KIAA1217: variants seen among roughly 807,000 people sequenced by gnomAD.
The protein encoded by KIAA1217 is KIAA1217.
A neutral mutation model predicts 163.9 loss-of-function variants in KIAA1217; 88 were observed. That is an observed-to-expected ratio of 0.54 (90% CI 0.45 to 0.64). The LOEUF is 0.64. Among genes scored for constraint, KIAA1217 ranks in the 30% least tolerant of loss-of-function variants. The pLI, the probability that KIAA1217 is intolerant of heterozygous loss-of-function variation, is 0.00. For missense variants in KIAA1217, 2,372 were observed against 2,475.0 expected (o/e 0.96, Z 0.88); for synonymous variants, 903 against 923.1 (o/e 0.98, Z 0.39).
chr10:23,777,560 T>G (rs1156520894), intron 1 of KIAA1217, among the ~76,000 whole-genome samples: 1 of 152,222 alleles, frequency 6.6e-6, no homozygotes, highest in African/African-American at 2.4e-5. Flanking sequence ...CTGCTTAGGT[T>G]ACAGGTCTCT....
intron 15 of KIAA1217, among the ~76,000 whole-genome samples, chr10:24,532,220 A>G (rs550471376): frequency 5.9e-5 from 9 of 152,346 alleles, no homozygotes; most frequent in African/African-American, 1.9e-4. Flanking sequence ...ACAATATGAA[A>G]TGCAAATCAC....
intron 2 of KIAA1217, among the ~76,000 whole-genome samples, chr10:24,325,784 C>T (rs2044797443): frequency 6.6e-6 from 1 of 152,102 alleles, no homozygotes; most frequent in Non-Finnish European, 1.5e-5. Flanking sequence ...AATGTACATA[C>T]ATTTCAGAGG....
At position 24,520,238 on chromosome 10, in the gene KIAA1217, G is replaced by A. The variant is rs1564846947; in HGVS notation, c.2293G>A (p.Val765Ile). 1.2e-6 allele frequency: 2 copies of A among 1,614,160 alleles called. No homozygotes were observed. The highest frequency in any genetic ancestry group is 1.1e-5 in the South Asian group (1 of 91,072). Residue 765 changes from valine (V) to isoleucine (I), a missense_variant, in exon 11 of 21, where the codon GTA (valine) becomes ATA (isoleucine). Transcript: ENST00000376454. ...CCTCCTGCGTCAAGTGGGAGAGGCT[G>A]TAGCTACCCTGAAAGGTAAACTTTC... ...AFLLRQVGEA[V>I]ATLKGEFPTL...
At chr10:24,489,788 C>T (rs768841914) in intron 6 of KIAA1217, among the ~76,000 whole-genome samples, 8 of 131,476 alleles carry the variant, frequency 6.1e-5, no homozygotes, top group East Asian at 2.4e-4. Flanking sequence ...CTCTTGAGCT[C>T]GGTGAGTTGA....
chr10:24,472,644 G>A (rs904017997), intron 5 of KIAA1217, among the ~76,000 whole-genome samples: 4 of 152,140 alleles, frequency 2.6e-5, no homozygotes, highest in African/African-American at 9.7e-5. Context: ...CCACAAAATT[G>A]CACTCTCCAT....
intron 2 of KIAA1217, among the ~76,000 whole-genome samples, chr10:24,378,013 T>C (rs1014315677): frequency 2.6e-5 from 4 of 152,236 alleles, no homozygotes; most frequent in African/African-American, 9.6e-5. Context: ...TCTTATCTTT[T>C]GTGCTCTCTG....
rs375419024 is a variant in KIAA1217, at chr10:24,199,517, T to C, written c.-170-20109T>C. Among the ~76,000 whole-genome samples the C allele has an allele frequency of 5.3e-5, 8 of 152,320 alleles. No homozygotes were observed. The South Asian group carries it at 6.2e-4, about 12-fold the overall frequency. ...GTGGCGGGGACAGACATTCAAACTATAGCCGAAGAGAAATTGTTGAAGTTT... is the reference window on the plus strand; with the variant it reads ...GTGGCGGGGACAGACATTCAAACTACAGCCGAAGAGAAATTGTTGAAGTTT... On this transcript the variant is annotated intron_variant, in intron 2 of 18. Coordinates refer to the KIAA1217 transcript ENST00000376462.
intron 2 of KIAA1217, among the ~76,000 whole-genome samples, chr10:24,222,446 A>G (rs538982129): frequency 3.3e-5 from 5 of 152,322 alleles, no homozygotes; most frequent in Admixed American, 2.6e-4. Context: ...CGCACAAGAA[A>G]GAATTCAGGG....
chr10:24,049,030 CAAAAAAAAAA>C (rs59235039), intron 2 of KIAA1217, among the ~76,000 whole-genome samples: 1 of 86,190 alleles, frequency 1.2e-5, no homozygotes, highest in Non-Finnish European at 2.2e-5. Context: ...TACTCTGTCT[CAAAAAAAAAA>C]AAAAAAAAAA....
rs1362268953 is a variant in KIAA1217, at chr10:23,771,644, G to A, written c.-321+76410G>A. ...GTGCCCCTCCAAGCAATGATTTGGA[G>A]ATCCAGCTTTCTTTCATCTTGTGGC... On this transcript the variant is annotated intron_variant, in intron 1 of 18. Transcript: ENST00000376462. Among the ~76,000 whole-genome samples, 3 of 152,300 alleles carry A rather than the reference G, an allele frequency of 2.0e-5. No homozygotes were observed. The East Asian group carries it at 5.8e-4, about 29-fold the overall frequency.
chr10:24,398,752 G>A (rs1039373196), intron 3 of KIAA1217, among the ~76,000 whole-genome samples: 9 of 152,106 alleles, frequency 5.9e-5, no homozygotes, highest in African/African-American at 2.2e-4. Flanking sequence ...TGTGTTTACT[G>A]CAGTTGTACA....
intron 1 of KIAA1217, among the ~76,000 whole-genome samples, chr10:23,855,466 C>T (rs1374379717): frequency 6.6e-6 from 1 of 152,156 alleles, no homozygotes; most frequent in Non-Finnish European, 1.5e-5. Flanking sequence ...TTCATTTCAA[C>T]TTTGGTGAAT....
chr10:23,858,913 A>C (rs185424168), intron 1 of KIAA1217, among the ~76,000 whole-genome samples: 5 of 152,330 alleles, frequency 3.3e-5, no homozygotes, highest in African/African-American at 9.6e-5. Context: ...CCTTACTTAG[A>C]TATAAAGCTA....
chr10:24,439,172 G>A (rs2060289343), intron 5 of KIAA1217, among the ~76,000 whole-genome samples: 1 of 152,124 alleles, frequency 6.6e-6, no homozygotes, highest in Admixed American at 6.5e-5. Context: ...TATTAATGCA[G>A]GTCCACTAGA....
intron 1 of KIAA1217, among the ~76,000 whole-genome samples, chr10:24,219,274 T>C (rs2069253959): frequency 6.6e-6 from 1 of 152,034 alleles, no homozygotes; most frequent in Non-Finnish European, 1.5e-5. Context: ...CCACTACGCC[T>C]GGCTAATTTT....
chr10:24,278,372 G>A (rs148281163), intron 2 of KIAA1217, among the ~76,000 whole-genome samples: 4 of 152,282 alleles, frequency 2.6e-5, no homozygotes, highest in East Asian at 1.9e-4. Flanking sequence ...ACACAGACCC[G>A]GTTTTGAATT....
intron 2 of KIAA1217, among the ~76,000 whole-genome samples, chr10:24,300,498 A>G (rs2041182926): frequency 6.6e-6 from 1 of 152,130 alleles, no homozygotes; most frequent in Non-Finnish European, 1.5e-5. Flanking sequence ...TTCTACTATG[A>G]AAGCCCCTCT....
At chr10:24,513,156 C>G in intron 9 of KIAA1217, 103 bp from the exon 10 acceptor site, 1 of 1,003,682 alleles carries the variant, frequency 1.0e-6, no homozygotes, top group Non-Finnish European at 1.5e-6. Flanking sequence ...AAGATTCAGC[C>G]GCAGGGCTGT....
intron 1 of KIAA1217, among the ~76,000 whole-genome samples, chr10:23,754,887 A>T (rs1833845471): frequency 6.6e-6 from 1 of 151,444 alleles, no homozygotes; most frequent in Admixed American, 6.6e-5. Flanking sequence ...TCCATTTGTG[A>T]GCTTCAAGAA....
Sources: allele counts gnomAD v4.1 joint callset (sites outside exome capture counted in the v4.1 genomes callset), GRCh38; gene constraint gnomAD v4.1.1; transcripts MANE v1.5; gene names NCBI Gene and HGNC (gene_info 2026-07-23, HGNC 2026-07-21).